AEBP2: variants seen among roughly 807,000 people sequenced by gnomAD.
The protein encoded by AEBP2 is zinc finger protein AEBP2.
In AEBP2, 10 loss-of-function variants were observed where a neutral mutation model predicts 50.8. The ratio of observed to expected loss-of-function variants is 0.20; its 90% CI spans 0.12 to 0.33. The LOEUF (loss-of-function observed/expected upper bound fraction) is 0.33. AEBP2 is among the 10% of genes least tolerant of loss of function. The pLI is 1.00. For missense variants in AEBP2, 570 were observed against 688.0 expected, an observed-to-expected ratio of 0.83 and a Z score of 1.92; for synonymous variants, 296 against 261.3, an observed-to-expected ratio of 1.13 and a Z score of -1.28.
At chr12:19,436,515 C>T (rs927097158), upstream of AEBP2, among the ~76,000 whole-genome samples, 1 of 152,022 alleles carries the variant, frequency 6.6e-6, no homozygotes, top group African/African-American at 2.4e-5. Context: ...TCCAAGAACC[C>T]TCTCCTGGGG....
chr12:19,467,067 T>C (rs1948489641), intron 2 of AEBP2, among the ~76,000 whole-genome samples: 1 of 152,190 alleles, frequency 6.6e-6, no homozygotes, highest in Non-Finnish European at 1.5e-5. Context: ...TACATTAAAA[T>C]TAAACTAATC....
chr12:19,484,749 A>T lies in AEBP2; in HGVS notation c.988-9051A>T, dbSNP rs1426124000. The stretch of plus-strand genomic sequence containing the variant: ...TCTTTTCATATGTCTAACCGTTCAG[A>T]TTTTTTTTCTTAATTTTTTTTTTAA... On this transcript the variant is annotated intron_variant, in intron 3 of 7. Transcript: ENST00000266508. Among the ~76,000 whole-genome samples the T allele has an allele frequency of 6.6e-5, 10 of 151,826 alleles. No homozygotes were observed. In the East Asian group the frequency reaches 1.7e-3, roughly 26 times the overall value.
intron 1 of AEBP2, among the ~76,000 whole-genome samples, chr12:19,426,890 G>C (rs1193865386): frequency 3.3e-5 from 5 of 152,074 alleles, no homozygotes; most frequent in African/African-American, 1.2e-4. Context: ...AACAGAGCGA[G>C]ACTCAAAAAC....
intron 4 of AEBP2, 88 bp from the exon 5 acceptor site, chr12:19,500,009 G>T: frequency 8.5e-7 from 1 of 1,176,920 alleles, no homozygotes; most frequent in Non-Finnish European, 1.2e-6. Flanking sequence ...ACTATTGATA[G>T]ATATGTATTT....
chr12:19,515,231 A>T lies in AEBP2; in HGVS notation c.1481+447A>T, dbSNP rs1299096656. 3.3e-5 allele frequency among the ~76,000 whole-genome samples: 5 copies of T among 152,272 alleles called. No homozygotes were observed. In the East Asian group the frequency reaches 9.6e-4, roughly 29 times the overall value. On this transcript the variant is annotated intron_variant, in intron 7 of 7. Coordinates refer to ENST00000266508, the MANE Select transcript of AEBP2 (RefSeq NM_153207.5). ...ATTTGTTTTTTAAGACATAGCTTAG[A>T]GTGTTCACATTTCTAGTAATTTTAT...
chr12:19,487,585 GC>G (rs1366765412), intron 3 of AEBP2, among the ~76,000 whole-genome samples: 1 of 152,126 alleles, frequency 6.6e-6, no homozygotes, highest in Non-Finnish European at 1.5e-5. Flanking sequence ...AAGTGTGGTG[GC>G]ATGCACCTGT....
At chr12:19,485,948 C>CTTTTTTTTT (rs60355570) in intron 3 of AEBP2, among the ~76,000 whole-genome samples, 5 of 91,220 alleles carry the variant, frequency 5.5e-5, no homozygotes, top group South Asian at 3.9e-4. Context: ...TGAGCCTCTG[C>CTTTTTTTTT]TTTTTTTTTT....
At chr12:19,515,380 G>A (rs1044109813) in intron 7 of AEBP2, among the ~76,000 whole-genome samples, 2 of 152,030 alleles carry the variant, frequency 1.3e-5, no homozygotes, top group Non-Finnish European at 2.9e-5. Context: ...TCATCCTCAC[G>A]GCTGCTCTGT....
At chr12:19,438,046 C>G (rs2153365645), upstream of AEBP2, among the ~76,000 whole-genome samples, 1 of 152,274 alleles carries the variant, frequency 6.6e-6, no homozygotes, top group Middle Eastern at 3.4e-3. Flanking sequence ...TTCCAATGAC[C>G]TCTTCCCTAC....
intron 1 of AEBP2, among the ~76,000 whole-genome samples, chr12:19,446,307 T>C (rs950013812): frequency 6.6e-6 from 1 of 152,222 alleles, no homozygotes; most frequent in African/African-American, 2.4e-5. Context: ...AATTGCGACA[T>C]GGTGCATTCA....
In AEBP2 at chr12:19,503,054, AGGATT is replaced by A. The variant is rs1949106240; in HGVS notation, c.1299+2835_1299+2839del. Among the ~76,000 whole-genome samples the A allele has an allele frequency of 2.6e-5, 4 of 152,294 alleles. No individual in the cohort carries two copies. In the South Asian group the frequency reaches 8.3e-4, roughly 32 times the overall value. On this transcript the variant is annotated intron_variant, in intron 5 of 7. Transcript: ENST00000266508. ...GTCTCTGGCTTTGTTCTTTTTGCTT[AGGATT>A]GCCTTGGCTCTTTGCGCTCCTTTTC...
At chr12:19,491,161 T>G (rs546825706) in intron 3 of AEBP2, among the ~76,000 whole-genome samples, 1 of 152,322 alleles carries the variant, frequency 6.6e-6, no homozygotes, top group East Asian at 1.9e-4. Flanking sequence ...AGATGGCAGC[T>G]TTAAAAAGCG....
chr12:19,521,151 A>T lies in AEBP2; in HGVS notation c.*3034A>T, dbSNP rs1342784135. On this transcript the variant is annotated 3_prime_UTR_variant, in exon 8 of 8. Transcript: ENST00000266508. The stretch of plus-strand genomic sequence containing the variant: ...CTCAGCCTGTCTCTGGTCCTTTAAG[A>T]AAAAGTTTTCGATTCCTTTGTCTAG... 1 of 152,196 alleles carries T rather than the reference A, an allele frequency of 6.6e-6. No individual in the cohort carries two copies. Among genetic ancestry groups the T allele is most frequent in the Non-Finnish European group, 1.5e-5 (1 of 68,034 alleles). The allele number at this position is 152,196 out of a possible 1,614,324, so 9.4% of individuals were successfully genotyped here.
intron 1 of AEBP2, among the ~76,000 whole-genome samples, 190 bp from the exon 2 acceptor site, chr12:19,462,320 G>A (rs1948394169): frequency 6.6e-6 from 1 of 152,064 alleles, no homozygotes; most frequent in African/African-American, 2.4e-5. Flanking sequence ...TCGTGTTTCT[G>A]TCTTGATTTG....
At chr12:19,418,887 C>T (rs952452) in intron 1 of AEBP2, 3,407 of 152,734 alleles carry the variant, frequency 0.022, 48 homozygotes, top group East Asian at 0.043. Flanking sequence ...GCACTCTAGC[C>T]TGGGTGACAG....
intron 2 of AEBP2, among the ~76,000 whole-genome samples, chr12:19,464,984 G>A (rs1487113228): frequency 6.6e-6 from 1 of 152,134 alleles, no homozygotes; most frequent in East Asian, 1.9e-4. Context: ...ATGAAATGTT[G>A]GCATTTGTCC....
chr12:19,489,528 G>C (rs993170373), intron 3 of AEBP2, among the ~76,000 whole-genome samples: 1 of 152,190 alleles, frequency 6.6e-6, no homozygotes, highest in Non-Finnish European at 1.5e-5. Flanking sequence ...TCAACAACCA[G>C]CTTTCCCCTC....
chr12:19,457,572 T>C, intron 1 of AEBP2: 1 of 1,478,340 alleles, frequency 6.8e-7, no homozygotes, highest in Non-Finnish European at 9.1e-7. Context: ...GTAGTTCAGA[T>C]GGCCAGTAGT....
At chr12:19,448,895 G>A (rs35328600) in intron 1 of AEBP2, among the ~76,000 whole-genome samples, 13,711 of 152,058 alleles carry the variant, frequency 0.09, 702 homozygotes, top group Middle Eastern at 0.15. Context: ...GCCCAGGCTG[G>A]TCTCGAACCC....
Sources: allele counts gnomAD v4.1 joint callset (sites outside exome capture counted in the v4.1 genomes callset), GRCh38; gene constraint gnomAD v4.1.1; transcripts MANE v1.5; gene names NCBI Gene and HGNC (gene_info 2026-07-23, HGNC 2026-07-21).